The following TTN variants were observed in gnomAD, a reference collection of about 807,000 sequenced individuals.
TTN encodes titin.
Under a neutral mutation model 3,223.0 loss-of-function variants are expected in TTN, and 1,525 were observed. The ratio of observed to expected loss-of-function variants is 0.47; its 90% confidence interval spans 0.45 to 0.49. The LOEUF (loss-of-function observed/expected upper bound fraction) is 0.49. TTN is among the 20% of genes least tolerant of loss of function. The pLI, the probability that TTN is intolerant of heterozygous loss-of-function variation, is 0.00. For synonymous variants in TTN, 14,094 were observed against 15,161.0 expected (o/e 0.93, Z 5.17); for missense variants, 40,786 against 43,424.0 (o/e 0.94, Z 5.40).
chr2:178,640,229 T>G, intron 221 of TTN, 119 bp from the exon 222 acceptor site: 1 of 872,052 alleles, frequency 1.1e-6, no homozygotes, highest in East Asian at 2.9e-5. Context: ...TACATATAAT[T>G]ATCAAATCAA....
At position 178,574,824 on chromosome 2, in the gene TTN, C is replaced by A; in HGVS notation, c.71308G>T (p.Asp23770Tyr). ...SNYVVEMRQTDSTTWVELATT... is the reference protein window; with the variant it reads ...SNYVVEMRQTYSTTWVELATT... ...GCTAACTCAACCCAGGTAGTACTGT[C>A]AGTCTGCCGCATTTCCACTACATAG... The change falls in exon 326 of 363, where the codon GAC becomes TAC. Residue 23770 changes from aspartate (D) to tyrosine (Y), a missense_variant. By Grantham distance (160) the Asp-to-Tyr change is radical (BLOSUM62 -3). Coordinates refer to ENST00000589042, the MANE Select transcript of TTN (RefSeq NM_001267550.2). 6.2e-7 allele frequency: 1 copy of A among 1,612,840 alleles called. No homozygotes were observed. Among genetic ancestry groups the A allele is most frequent in the South Asian group, 1.1e-5 (1 of 90,998 alleles).
chr2:178,650,099 G>T, intron 210 of TTN, 65 bp downstream of exon 210: 1 of 1,444,000 alleles, frequency 6.9e-7, no homozygotes, highest in South Asian at 1.3e-5. Flanking sequence ...TTGCCTTAAG[G>T]AAGATATATA....
In TTN at chr2:178,607,670, T is replaced by C. The variant is rs772508653; in HGVS notation, c.53018A>G (p.Glu17673Gly). Reference protein sequence around the residue: ...VAEPQEPPAVELDVSVKGGIQ... With the variant: ...VAEPQEPPAVGLDVSVKGGIQ... Reference sequence around the variant, plus strand: ...TCCACCCTTGACAGAAACATCCAGTTCCACAGCTGGAGGCTCTGTTGAAAG... The same window carrying C: ...TCCACCCTTGACAGAAACATCCAGTCCCACAGCTGGAGGCTCTGTTGAAAG... The change falls in exon 277 of 363, where the codon GAA (glutamate) becomes GGA (glycine). Residue 17673 changes from glutamate to glycine, a missense_variant. By Grantham distance (98) the Glu-to-Gly change is moderately conservative (BLOSUM62 -2). Transcript: ENST00000589042. The C allele has an allele frequency of 6.2e-7, 1 of 1,612,936 alleles. No homozygotes were observed. Among genetic ancestry groups the C allele is most frequent in the South Asian group, 1.1e-5 (1 of 91,068 alleles).
rs376175862 is a variant in TTN, at chr2:178,531,466, C to G, written c.105149G>C (p.Arg35050Thr). 3.1e-6 allele frequency: 5 copies of G among 1,613,894 alleles called. No individual in the cohort carries two copies. Among genetic ancestry groups the G allele is most frequent in the African/African-American group, 1.3e-5 (1 of 75,052 alleles). The change falls in exon 358 of 363, where the codon AGA (arginine) becomes ACA (threonine). Residue 35050 changes from arginine to threonine, a missense_variant. Physicochemically the swap from Arg to Thr is moderately conservative, Grantham distance 71 (BLOSUM62 -1). Coordinates refer to ENST00000589042, the MANE Select transcript of TTN (RefSeq NM_001267550.2). ...ASQRRDEEVP[R>T]SVFPELTRTE... ...TCTTGTCAGCTCAGGGAAAACAGAT[C>G]TGGGGACCTCTTCATCTCTGCGTTG...
intron 166 of TTN, 46 bp from the exon 167 acceptor site, chr2:178,664,783 A>G: frequency 6.2e-7 from 1 of 1,610,406 alleles, no homozygotes; most frequent in Non-Finnish European, 8.5e-7. Context: ...GCAGATAACT[A>G]GGAATAGCAA....
chr2:178,556,326 G>A (rs1701428637), intron 330 of TTN: 1 of 159,648 alleles, frequency 6.3e-6, no homozygotes, highest in South Asian at 1.9e-4. Flanking sequence ...AGCTACTCAG[G>A]TGACTGAGGC....
At position 178,722,306 on chromosome 2, in the gene TTN, G is replaced by T. The variant is rs778434653; in HGVS notation, c.22481C>A (p.Ser7494Tyr). 17 of 1,610,906 alleles carry T rather than the reference G, an allele frequency of 1.1e-5. No individual in the cohort carries two copies. The highest frequency in any genetic ancestry group is 1.4e-5 in the Non-Finnish European group (16 of 1,178,362). ...AGAAGATGCTGTTCCAAGTGGGTTG[G>T]AAGCTGAGCAAGAGTACTGGCCAGA... Reference protein sequence around the residue: ...SHSGQYSCSASNPLGTASSSA... With the variant: ...SHSGQYSCSAYNPLGTASSSA... Residue 7494 changes from serine to tyrosine, a missense_variant, in exon 77 of 363, where the codon TCC (serine) becomes TAC (tyrosine). Transcript: ENST00000589042.
intron 21 of TTN, 79 bp from the exon 22 acceptor site, chr2:178,780,284 T>G: frequency 2.3e-6 from 3 of 1,308,986 alleles, no homozygotes; most frequent in Non-Finnish European, 3.3e-6. Flanking sequence ...AGGTAAACTC[T>G]ACACTGGGGA....
chr2:178,680,016 G>C lies in TTN; in HGVS notation c.33458C>G (p.Ala11153Gly), dbSNP rs371124160. The C allele has an allele frequency of 1.2e-6, 2 of 1,612,940 alleles. No homozygotes were observed. The highest frequency in any genetic ancestry group is 1.7e-5 in the Admixed American group (1 of 59,848). ...VPKELEPEEV[A>G]FEEEVVTHVE... is the part of the protein sequence containing the mutation. Reference sequence around the variant, plus strand: ...ATGGGTTACAACTTCCTCTTCAAAGGCAACCTCTTCTGGTTCAAGTTCTTT... The same window carrying C: ...ATGGGTTACAACTTCCTCTTCAAAGCCAACCTCTTCTGGTTCAAGTTCTTT... The change falls in exon 140 of 363, where the codon GCC (alanine) becomes GGC (glycine). Residue 11153 changes from alanine (A) to glycine (G), a missense_variant. Ala to Gly is a moderately conservative substitution (Grantham distance 60). Transcript: ENST00000589042.
chr2:178,652,614 GAGAT>G, intron 201 of TTN, 35 bp downstream of exon 201: 1 of 1,612,582 alleles, frequency 6.2e-7, no homozygotes, highest in Non-Finnish European at 8.5e-7. Flanking sequence ...AAGAGTAGAA[GAGAT>G]AGATCTTCTG....
At position 178,615,283 on chromosome 2, in the gene TTN, T is replaced by C. The variant is rs374004318; in HGVS notation, c.48638+24A>G. On this transcript the variant is annotated intron_variant, in intron 259 of 362. Transcript: ENST00000589042. ...TTAGTGACTAGGAGTACACATTTACTCTCATGCCAAATTAAAAACCTACTT... is the reference window on the plus strand; with the variant it reads ...TTAGTGACTAGGAGTACACATTTACCCTCATGCCAAATTAAAAACCTACTT... 1.9e-6 allele frequency: 3 copies of C among 1,611,390 alleles called. No individual in the cohort carries two copies. The East Asian group carries it at 6.7e-5, about 36-fold the overall frequency.
chr2:178,678,328 G>A, intron 144 of TTN, 86 bp downstream of exon 144: 6 of 1,502,634 alleles, frequency 4.0e-6, no homozygotes, highest in Non-Finnish European at 5.4e-6. Context: ...CTTTAAAAAT[G>A]TACAATGTAA....
At position 178,592,921 on chromosome 2, in the gene TTN, G is replaced by A. The variant is rs749461231; in HGVS notation, c.59198C>T (p.Thr19733Ile). The A allele has an allele frequency of 6.2e-7, 1 of 1,613,482 alleles. No homozygotes were observed. Among genetic ancestry groups the A allele is most frequent in the African/African-American group, 1.3e-5 (1 of 74,974 alleles). The change falls in exon 300 of 363, where the codon ACC becomes ATC. Residue 19733 changes from threonine to isoleucine, a missense_variant. Coordinates refer to ENST00000589042, the MANE Select transcript of TTN (RefSeq NM_001267550.2). ...GDEEWRRANH[T>I]PESCPETKYK... ...TTTAGTTTCAGGACATGACTCAGGG[G>A]TGTGATTGGCTCTTCTCCACTCTTC... is the stretch of plus-strand genomic sequence containing the variant.
rs770349910 is a variant in TTN at position 178,575,995 on chromosome 2, G to T, written c.70137C>A (p.Thr23379=). 1 of 1,611,580 alleles carries T rather than the reference G, an allele frequency of 6.2e-7. No homozygotes were observed. Among genetic ancestry groups the T allele is most frequent in the Non-Finnish European group, 8.5e-7 (1 of 1,178,152 alleles). ...KGRPAPEVTW[T]KDNINLKNRA... ...GGTTTTTCAGGTTGATGTTATCTTT[G>T]GTCCATGTCACTTCAGGAGCAGGAC... The change falls in exon 326 of 363, where the codon ACC becomes ACA. Residue 23379 remains threonine (T), a synonymous_variant. Coordinates refer to ENST00000589042, the MANE Select transcript of TTN (RefSeq NM_001267550.2). This position sits in a 1 kb window ranked among gnomAD's most constrained non-coding sequence, Gnocchi z 4.0.
intron 100 of TTN, 98 bp downstream of exon 100, chr2:178,707,428 T>C: frequency 1.4e-6 from 2 of 1,383,112 alleles, no homozygotes; most frequent in South Asian, 3.6e-5. Flanking sequence ...AACTGATATT[T>C]CTAAAAATCT....
chr2:178,583,426 A>G, intron 312 of TTN, 181 bp downstream of exon 312: 1 of 830,724 alleles, frequency 1.2e-6, no homozygotes, highest in Non-Finnish European at 1.7e-6. Context: ...ACAGTTGTGT[A>G]TCTTGCTTTT....
chr2:178,704,464 A>G (rs752718452), intron 105 of TTN, 46 bp downstream of exon 105: 99 of 1,598,172 alleles, frequency 6.2e-5, no homozygotes, highest in African/African-American at 1.3e-5. Context: ...TGTGCTCAAC[A>G]GTAATTTAAA....
intron 44 of TTN, 133 bp from the exon 45 acceptor site, chr2:178,758,049 G>T: frequency 2.1e-6 from 2 of 959,632 alleles, no homozygotes; most frequent in Non-Finnish European, 3.0e-6. Flanking sequence ...CCTTGTCCTT[G>T]TATGTCACTA....
intron 240 of TTN, among the ~76,000 whole-genome samples, chr2:178,627,794 G>A (rs2059255606): frequency 6.6e-6 from 1 of 151,804 alleles, no homozygotes; most frequent in Admixed American, 6.6e-5. Context: ...AAAGATATTT[G>A]GTAATGAAAA....
Sources: allele counts gnomAD v4.1 joint callset (sites outside exome capture counted in the v4.1 genomes callset), GRCh38; gene constraint gnomAD v4.1.1; non-coding constraint Gnocchi (gnomAD v3.1); transcripts MANE v1.5; gene names NCBI Gene and HGNC (gene_info 2026-07-23, HGNC 2026-07-21).